Variants in ANK1 observed in about 807,000 individuals in gnomAD.
The protein encoded by ANK1 is ankyrin 1, also known as ankyrin-1.
A neutral mutation model predicts 210.4 loss-of-function variants in ANK1; 51 were observed. That is an observed-to-expected ratio of 0.24 (90% confidence interval 0.19 to 0.31). ANK1 has a LOEUF of 0.31. Among genes scored for constraint, ANK1 ranks in the 10% least tolerant of loss-of-function variants. The pLI is 1.00. For missense variants in ANK1, 2,051 were observed against 2,504.4 expected (o/e 0.82, Z 3.86); for synonymous variants, 967 against 1,025.9 (o/e 0.94, Z 1.10).
chr8:41,865,243 G>T (rs1415936462), intron 1 of ANK1, among the ~76,000 whole-genome samples: 3 of 152,166 alleles, frequency 2.0e-5, no homozygotes, highest in South Asian at 2.1e-4. Context: ...AAAGCTCATG[G>T]TCTCCTTGAA....
chr8:41,860,834 G>A lies in ANK1; in HGVS notation c.126+35521C>T, dbSNP rs192902787. ...AAAACCTCAAGGGGCCTCAGGGCCT[G>A]AGCGCCTCCCCTGCTGTGCCTGGAG... On this transcript the variant is annotated intron_variant, in intron 1 of 42. Coordinates refer to the ANK1 transcript ENST00000265709. Among the ~76,000 whole-genome samples, 167 of 152,300 alleles carry A rather than the reference G, an allele frequency of 1.1e-3. 1 individual carries two copies. The highest frequency in any genetic ancestry group is 1.9e-3 in the Non-Finnish European group (129 of 68,018).
chr8:41,875,629 G>T (rs1416733925), intron 1 of ANK1, among the ~76,000 whole-genome samples: 1 of 152,172 alleles, frequency 6.6e-6, no homozygotes. Context: ...CCTGTGCCAG[G>T]GATGCGTGAG....
chr8:41,754,355 A>G (rs1020878279), intron 2 of ANK1, among the ~76,000 whole-genome samples: 18 of 152,172 alleles, frequency 1.2e-4, no homozygotes, highest in Admixed American at 9.9e-4. Context: ...GGTAATGATA[A>G]TGATGATAGA....
intron 9 of ANK1, among the ~76,000 whole-genome samples, chr8:41,721,430 GC>G (rs1217684247): frequency 2.0e-5 from 3 of 152,134 alleles, no homozygotes; most frequent in Admixed American, 6.5e-5. Flanking sequence ...GCAAAGGTGG[GC>G]AGATCACTTG....
chr8:41,660,624 C>T (rs1807743731), intron 42 of ANK1: 1 of 439,220 alleles, frequency 2.3e-6, no homozygotes, highest in African/African-American at 2.1e-5. Flanking sequence ...CACGGCACGG[C>T]ATGCCCCTGC....
At chr8:41,850,845 C>T (rs1452503343) in intron 1 of ANK1, among the ~76,000 whole-genome samples, 2 of 152,076 alleles carry the variant, frequency 1.3e-5, no homozygotes, top group African/African-American at 4.8e-5. Flanking sequence ...TGCCTGAAGC[C>T]TCGGCTAGTA....
chr8:41,838,417 A>G (rs1222908229), intron 1 of ANK1, among the ~76,000 whole-genome samples: 2 of 152,228 alleles, frequency 1.3e-5, no homozygotes, highest in Non-Finnish European at 2.9e-5. Flanking sequence ...TATTAATAGT[A>G]AGCACTTACC....
rs1010614759 is a variant in ANK1, at chr8:41,724,391, C to T, written c.711+65G>A. The T allele has an allele frequency of 2.5e-5, 34 of 1,366,442 alleles. 1 individual carries two copies. The highest frequency in any genetic ancestry group is 4.9e-4 in the Middle Eastern group (2 of 4,068). 84.6% of individuals were successfully genotyped at this position (1,366,442 alleles called of 1,614,324 possible). A position where few individuals can be genotyped will look rare whatever the true frequency, so the allele number is the denominator to read the frequency against. ...GCCACTGGGATGAAACCCATGGTGC[C>T]GAGGCAGGAGCAACTGCCAGCCCCA... On this transcript the variant is annotated intron_variant, in intron 7 of 42. Transcript: ENST00000289734.
At chr8:41,851,732 C>T (rs1259000679) in intron 1 of ANK1, among the ~76,000 whole-genome samples, 1 of 152,212 alleles carries the variant, frequency 6.6e-6, no homozygotes, top group Non-Finnish European at 1.5e-5. Flanking sequence ...TGGCATGCAC[C>T]TGTAGTCCCA....
chr8:41,732,615 G>A (rs537586549), intron 3 of ANK1, among the ~76,000 whole-genome samples: 4 of 152,076 alleles, frequency 2.6e-5, no homozygotes, highest in African/African-American at 7.2e-5. Context: ...GTTTCGCCAT[G>A]TTGGCTGGGC....
chr8:41,743,052 C>T (rs1192475921), intron 2 of ANK1, among the ~76,000 whole-genome samples: 1 of 152,228 alleles, frequency 6.6e-6, no homozygotes, highest in Non-Finnish European at 1.5e-5. Context: ...TAGCAACCAA[C>T]TTGTACATGT....
chr8:41,740,817 G>A (rs558820419), intron 2 of ANK1, among the ~76,000 whole-genome samples: 21 of 152,190 alleles, frequency 1.4e-4, no homozygotes, highest in Non-Finnish European at 2.2e-4. Flanking sequence ...GGATACAGGC[G>A]CAAACCAGGC....
At chr8:41,870,028 C>T (rs1244283009) in intron 1 of ANK1, among the ~76,000 whole-genome samples, 3 of 152,088 alleles carry the variant, frequency 2.0e-5, no homozygotes, top group Admixed American at 2.0e-4. Flanking sequence ...AGAGGGCAGG[C>T]TCTGACATTT....
chr8:41,809,786 G>A (rs189396479), intron 1 of ANK1, among the ~76,000 whole-genome samples: 3 of 152,228 alleles, frequency 2.0e-5, no homozygotes, highest in Admixed American at 2.0e-4. Context: ...ATAAAAATAG[G>A]GAAGAATTGA....
chr8:41,859,097 C>A lies in ANK1; in HGVS notation c.126+37258G>T, dbSNP rs372627264. Reference sequence around the variant, plus strand: ...CTGAAAGGGGTCAAGGGAATCGGGTCCTGGGGATTTCCCGCCCAAAGAGCG... The same window carrying A: ...CTGAAAGGGGTCAAGGGAATCGGGTACTGGGGATTTCCCGCCCAAAGAGCG... On this transcript the variant is annotated intron_variant, in intron 1 of 42. Coordinates refer to the ANK1 transcript ENST00000265709. Among the ~76,000 whole-genome samples, 18 of 152,338 alleles carry A rather than the reference C, an allele frequency of 1.2e-4. 1 individual carries two copies. The highest frequency in any genetic ancestry group is 9.1e-4 in the Admixed American group (14 of 15,312).
intron 1 of ANK1, among the ~76,000 whole-genome samples, chr8:41,807,650 G>A (rs1015680704): frequency 5.3e-5 from 8 of 152,082 alleles, no homozygotes; most frequent in African/African-American, 1.9e-4. Flanking sequence ...GAGGCCGGGC[G>A]GTATCACATA....
chr8:41,717,627 C>T lies in ANK1; in HGVS notation c.1282G>A (p.Ala428Thr), dbSNP rs1246307299. 1.3e-6 allele frequency: 2 copies of T among 1,551,460 alleles called. No homozygotes were observed. The highest frequency in any genetic ancestry group is 1.7e-6 in the Non-Finnish European group (2 of 1,146,972). Residue 428 changes from alanine to threonine, a missense_variant, in exon 12 of 43, where the codon GCG becomes ACG. This residue lies in a region of ANK1 where 1,413 missense variants were observed against 1,707.4 expected (regional missense o/e 0.83). Coordinates refer to ENST00000289734, the MANE Select transcript of ANK1 (RefSeq NM_000037.4). The part of the protein sequence containing the change: ...PIVKNLLQRG[A>T]SPNVSNVKVE... ...ACCACGTTGGAGACGTTGGGCGACG[C>T]CCCCCGCTGCAGGAGGTTCTTCACG...
intron 25 of ANK1, 25 bp downstream of exon 25, chr8:41,696,651 C>G (rs747171540): frequency 3.1e-6 from 5 of 1,606,936 alleles, no homozygotes; most frequent in Non-Finnish European, 4.2e-6. Context: ...GACAGGAGTC[C>G]CCGAGCCCTG....
At chr8:41,884,575 C>T (rs144998488) in intron 1 of ANK1, among the ~76,000 whole-genome samples, 15 of 152,060 alleles carry the variant, frequency 9.9e-5, no homozygotes, top group African/African-American at 3.4e-4. Context: ...CGGCTCGCAT[C>T]TGTAATCCCA....
Sources: allele counts gnomAD v4.1 joint callset (sites outside exome capture counted in the v4.1 genomes callset), GRCh38; gene constraint gnomAD v4.1.1; regional missense constraint gnomAD v4.1.1; transcripts MANE v1.5; gene names NCBI Gene and HGNC (gene_info 2026-07-23, HGNC 2026-07-21).